ANKRD12: variants seen among roughly 807,000 people sequenced by gnomAD.
The protein encoded by ANKRD12 is ankyrin repeat domain 12.
A neutral mutation model predicts 183.4 loss-of-function variants in ANKRD12; 85 were observed. The ratio of observed to expected loss-of-function variants is 0.46; its 90% confidence interval spans 0.39 to 0.56. The LOEUF is 0.56. ANKRD12 is among the 20% of genes least tolerant of loss of function. The probability of loss-of-function intolerance (pLI) is 0.00; values close to 1 mark genes in which losing one functional copy is unlikely to be tolerated. For missense variants in ANKRD12, 2,405 were observed against 2,357.1 expected (o/e 1.02, Z -0.42); for synonymous variants, 914 against 800.2 (o/e 1.14, Z -2.40).
intron 12 of ANKRD12, among the ~76,000 whole-genome samples, chr18:9,279,951 AT>A: frequency 6.6e-6 from 1 of 152,352 alleles, no homozygotes; most frequent in South Asian, 2.1e-4. Context: ...AAGAAAAGGA[AT>A]ATAGTTTTCA....
chr18:9,146,747 G>A (rs1216300639), intron 1 of ANKRD12, among the ~76,000 whole-genome samples: 1 of 152,150 alleles, frequency 6.6e-6, no homozygotes, highest in Non-Finnish European at 1.5e-5. Flanking sequence ...AGAGCTACCA[G>A]TGACATATAC....
At chr18:9,242,005 TC>T (rs1482809895) in intron 8 of ANKRD12, among the ~76,000 whole-genome samples, 2 of 152,020 alleles carry the variant, frequency 1.3e-5, no homozygotes, top group East Asian at 3.8e-4. Context: ...TTTAGCAGTG[TC>T]TATAAGTCAA....
At chr18:9,144,803 A>G (rs1314982681) in intron 1 of ANKRD12, among the ~76,000 whole-genome samples, 2 of 152,194 alleles carry the variant, frequency 1.3e-5, no homozygotes, top group Non-Finnish European at 2.9e-5. Flanking sequence ...TATTAAAAGA[A>G]AAGATAAAAT....
chr18:9,151,003 A>G (rs1189942475), intron 1 of ANKRD12, among the ~76,000 whole-genome samples: 9 of 152,214 alleles, frequency 5.9e-5, no homozygotes, highest in South Asian at 2.1e-4. Context: ...CTGGAATGCA[A>G]CCATGAGCTT....
At chr18:9,157,871 T>C (rs1004481924) in intron 1 of ANKRD12, among the ~76,000 whole-genome samples, 5 of 151,970 alleles carry the variant, frequency 3.3e-5, no homozygotes, top group Non-Finnish European at 7.4e-5. Context: ...AAAAATAAAG[T>C]AAGTGGCTTA....
chr18:9,207,290 AAAT>A (rs747704118), intron 4 of ANKRD12, among the ~76,000 whole-genome samples: 92 of 152,168 alleles, frequency 6.0e-4, no homozygotes, highest in Non-Finnish European at 1.2e-3. Context: ...AATGATAATG[AAAT>A]AATAAATATG....
At chr18:9,166,479 G>A (rs1018244204) in intron 1 of ANKRD12, among the ~76,000 whole-genome samples, 1 of 152,170 alleles carries the variant, frequency 6.6e-6, no homozygotes, top group African/African-American at 2.4e-5. Flanking sequence ...CAGTGATGAT[G>A]AGCATTTTTT....
intron 7 of ANKRD12, among the ~76,000 whole-genome samples, chr18:9,217,251 G>A (rs2036161358): frequency 6.6e-6 from 1 of 152,138 alleles, no homozygotes; most frequent in African/African-American, 2.4e-5. Flanking sequence ...TTTTACTTTA[G>A]TTGAGACAAA....
chr18:9,203,389 G>T (rs1184902214), intron 3 of ANKRD12, among the ~76,000 whole-genome samples: 1 of 152,044 alleles, frequency 6.6e-6, no homozygotes, highest in Non-Finnish European at 1.5e-5. Flanking sequence ...TGAATACTGT[G>T]TAACAGTGAT....
At chr18:9,165,113 A>C (rs1015918325) in intron 1 of ANKRD12, among the ~76,000 whole-genome samples, 2 of 152,120 alleles carry the variant, frequency 1.3e-5, no homozygotes, top group Admixed American at 6.5e-5. Context: ...TAGGATAGTT[A>C]GCTCTTCTCG....
chr18:9,246,808 G>A (rs1452088366), intron 8 of ANKRD12, among the ~76,000 whole-genome samples: 1 of 152,130 alleles, frequency 6.6e-6, no homozygotes. Flanking sequence ...GTATATGTCA[G>A]GCACTTTACA....
Position 9,206,554 on chromosome 18 carries a change from T to TA in ANKRD12, c.304+2011dup, listed in dbSNP as rs1198409059. 2.6e-5 allele frequency among the ~76,000 whole-genome samples: 4 copies of TA among 152,102 alleles called. No homozygotes were observed. The East Asian group carries it at 7.7e-4, about 29-fold the overall frequency. ...GTAGTTGTCTCTATCCTAGCTGCCTTACACCGGCTGCTGTTTTCTTACTTT... is the reference window on the plus strand; with the variant it reads ...GTAGTTGTCTCTATCCTAGCTGCCTTAACACCGGCTGCTGTTTTCTTACTTT... On this transcript the variant is annotated intron_variant, in intron 4 of 12. Transcript: ENST00000262126.
chr18:9,262,688 C>T (rs915784986), intron 9 of ANKRD12, among the ~76,000 whole-genome samples: 3 of 151,262 alleles, frequency 2.0e-5, no homozygotes, highest in Non-Finnish European at 4.4e-5. Flanking sequence ...TCTCAAACTC[C>T]TGGTCTCAAG....
intron 9 of ANKRD12, among the ~76,000 whole-genome samples, chr18:9,263,032 G>A (rs761089214): frequency 4.6e-5 from 7 of 151,462 alleles, no homozygotes; most frequent in Non-Finnish European, 7.4e-5. Context: ...TACTAACCTC[G>A]TGATCCACCC....
intron 1 of ANKRD12, among the ~76,000 whole-genome samples, chr18:9,179,671 A>G (rs927011578): frequency 3.9e-5 from 6 of 152,182 alleles, no homozygotes; most frequent in African/African-American, 1.4e-4. Context: ...ACGGACCACC[A>G]TGCCCAGCTA....
intron 1 of ANKRD12, among the ~76,000 whole-genome samples, chr18:9,171,127 T>G (rs567092214): frequency 6.6e-6 from 1 of 152,264 alleles, no homozygotes; most frequent in East Asian, 1.9e-4. Context: ...TGGGGGTGCC[T>G]CCCAGTTAGG....
chr18:9,241,887 G>A (rs564257393), intron 8 of ANKRD12, among the ~76,000 whole-genome samples: 2 of 149,182 alleles, frequency 1.3e-5, no homozygotes, highest in East Asian at 3.9e-4. Context: ...TTAAATTCCA[G>A]GTAGTTTTTT....
At chr18:9,209,092 A>G (rs1160065424) in intron 5 of ANKRD12, among the ~76,000 whole-genome samples, 3 of 152,180 alleles carry the variant, frequency 2.0e-5, no homozygotes, top group Non-Finnish European at 4.4e-5. Flanking sequence ...CAGTATATTA[A>G]CAGTCATTTT....
At chr18:9,251,516 G>A (rs2038296169) in intron 8 of ANKRD12, among the ~76,000 whole-genome samples, 1 of 152,134 alleles carries the variant, frequency 6.6e-6, no homozygotes. Context: ...AATGCTGGCT[G>A]GGCATGGTGG....
Sources: allele counts gnomAD v4.1 joint callset (sites outside exome capture counted in the v4.1 genomes callset), GRCh38; gene constraint gnomAD v4.1.1; transcripts MANE v1.5; gene names NCBI Gene and HGNC (gene_info 2026-07-23, HGNC 2026-07-21).